The following PTCHD4 variants were observed in gnomAD, a reference collection of about 807,000 sequenced individuals.
PTCHD4 encodes the protein patched domain containing 4, also known as patched domain-containing protein 4.
A neutral mutation model predicts 58.1 loss-of-function variants in PTCHD4; 33 were observed. The observed-to-expected ratio is 0.57, with a 90% CI of 0.43 to 0.76. The LOEUF is 0.76. PTCHD4 is among the 30% of genes least tolerant of loss of function. The pLI, the probability that PTCHD4 is intolerant of heterozygous loss-of-function variation, is 0.00. For synonymous variants in PTCHD4, 478 were observed against 409.6 expected (o/e 1.17, Z -2.02); for missense variants, 1,058 against 1,027.1 (o/e 1.03, Z -0.41).
At position 48,055,277 on chromosome 6, in the gene PTCHD4, T is replaced by C. The variant is rs181729083; in HGVS notation, c.417+12953A>G. ...TAGGATAAAAAAGACATGCAACCTATGATGACAACTGTGTATTTTATAGTT... is the reference window on the plus strand; with the variant it reads ...TAGGATAAAAAAGACATGCAACCTACGATGACAACTGTGTATTTTATAGTT... On this transcript the variant is annotated intron_variant, in intron 3 of 4. Transcript: ENST00000339488. 4.6e-5 allele frequency among the ~76,000 whole-genome samples: 7 copies of C among 152,290 alleles called. No homozygotes were observed. The East Asian group carries it at 1.4e-3, about 29-fold the overall frequency.
chr6:48,009,008 T>C lies in PTCHD4; in HGVS notation c.524A>G (p.Tyr175Cys). The C allele has an allele frequency of 6.2e-7, 1 of 1,613,786 alleles. No individual in the cohort carries two copies. Among genetic ancestry groups the C allele is most frequent in the Non-Finnish European group, 8.5e-7 (1 of 1,179,852 alleles). Residue 175 changes from tyrosine to cysteine, a missense_variant, in exon 4 of 5, where the codon TAC (tyrosine) becomes TGC (cysteine). Transcript: ENST00000339488. ...GGTGGCAGAGCCATAGGTCTGGAGG[T>C]AGTAGGTGATTTGAATGGCTCTGGC... is the stretch of plus-strand genomic sequence containing the variant. ...KSARAIQITY[Y>C]LQTYGSATQD... is the part of the protein sequence containing the mutation.
chr6:47,965,656 C>A (rs1767255644), intron 4 of PTCHD4, among the ~76,000 whole-genome samples: 1 of 152,160 alleles, frequency 6.6e-6, no homozygotes, highest in Non-Finnish European at 1.5e-5. Context: ...TGGCCTGGAG[C>A]GTTGGCTCAC....
intron 1 of PTCHD4, among the ~76,000 whole-genome samples, chr6:48,076,132 T>A (rs1765060705): frequency 6.6e-6 from 1 of 152,358 alleles, no homozygotes; most frequent in South Asian, 2.1e-4. Flanking sequence ...CACCAGTAGA[T>A]GCCATCTCAA....
At chr6:48,076,611 A>G (rs965732395) in intron 1 of PTCHD4, among the ~76,000 whole-genome samples, 2 of 152,224 alleles carry the variant, frequency 1.3e-5, no homozygotes, top group Non-Finnish European at 2.9e-5. Flanking sequence ...ATCTTCTTGT[A>G]TGACTCCATC....
chr6:48,054,011 G>A (rs1764323521), intron 3 of PTCHD4, among the ~76,000 whole-genome samples: 1 of 152,030 alleles, frequency 6.6e-6, no homozygotes, highest in African/African-American at 2.4e-5. Context: ...GGTAAGATAG[G>A]GGGATCTTTC....
At chr6:47,905,640 T>C (rs534793013) in intron 4 of PTCHD4, among the ~76,000 whole-genome samples, 1 of 152,294 alleles carries the variant, frequency 6.6e-6, no homozygotes, top group East Asian at 1.9e-4. Context: ...AAATTTATAT[T>C]AGCTTGATTG....
At chr6:47,886,559 T>A (rs774674641) in intron 4 of PTCHD4, among the ~76,000 whole-genome samples, 1 of 152,220 alleles carries the variant, frequency 6.6e-6, no homozygotes, top group Non-Finnish European at 1.5e-5. Context: ...TTTCTTCATT[T>A]GGTTAGCTAC....
At chr6:48,093,073 A>G (rs142343267) in intron 1 of PTCHD4, among the ~76,000 whole-genome samples, 124 of 152,300 alleles carry the variant, frequency 8.1e-4, no homozygotes, top group Middle Eastern at 3.4e-3. Flanking sequence ...CTTCCCTGGC[A>G]TGCTTCGCTT....
intron 4 of PTCHD4, among the ~76,000 whole-genome samples, chr6:47,937,217 G>T (rs1361330442): frequency 6.6e-6 from 1 of 152,170 alleles, no homozygotes; most frequent in East Asian, 1.9e-4. Flanking sequence ...GGAATGACTG[G>T]CTGCTTTTCA....
intron 4 of PTCHD4, among the ~76,000 whole-genome samples, chr6:47,972,066 T>C (rs143215763): frequency 2.0e-5 from 3 of 152,302 alleles, no homozygotes; most frequent in African/African-American, 4.8e-5. Flanking sequence ...GTCATATTAA[T>C]GTGAGCACTG....
intron 4 of PTCHD4, among the ~76,000 whole-genome samples, chr6:47,945,268 G>C (rs1174838642): frequency 6.6e-6 from 1 of 152,034 alleles, no homozygotes; most frequent in African/African-American, 2.4e-5. Flanking sequence ...ATCTCTTCCA[G>C]AACAGAGTAG....
At chr6:48,039,039 C>G (rs1252600831) in intron 3 of PTCHD4, among the ~76,000 whole-genome samples, 1 of 152,144 alleles carries the variant, frequency 6.6e-6, no homozygotes, top group Non-Finnish European at 1.5e-5. Context: ...TGAGATTACT[C>G]TCTTAGCTGG....
chr6:48,094,605 C>T (rs1179629851), intron 1 of PTCHD4, among the ~76,000 whole-genome samples: 2 of 152,130 alleles, frequency 1.3e-5, no homozygotes, highest in East Asian at 1.9e-4. Context: ...TTGAGGATAG[C>T]TTTTCAAATC....
Position 47,856,731 on chromosome 6 carries a change from A to C in PTCHD4, c.*21572T>G, listed in dbSNP as rs1395251455. Among the ~76,000 whole-genome samples, 1 of 152,036 alleles carries C rather than the reference A, an allele frequency of 6.6e-6. No homozygotes were observed. The highest frequency in any genetic ancestry group is 1.5e-5 in the Non-Finnish European group (1 of 67,986). On this transcript the variant is annotated 3_prime_UTR_variant, in exon 5 of 5. Coordinates refer to ENST00000339488, the MANE Select transcript of PTCHD4 (RefSeq NM_001384253.1). Reference sequence around the variant, plus strand: ...ACTCCTCTGATTATAAAAATTACACAAGCTAATAAATCTTGGTAAGTTATA... The same window carrying C: ...ACTCCTCTGATTATAAAAATTACACCAGCTAATAAATCTTGGTAAGTTATA...
At chr6:48,007,876 G>C (rs1762511994) in intron 4 of PTCHD4, among the ~76,000 whole-genome samples, 1 of 152,048 alleles carries the variant, frequency 6.6e-6, no homozygotes, top group African/African-American at 2.4e-5. Flanking sequence ...TTGTTGCTAA[G>C]CACTTACGTG....
In PTCHD4 at chr6:47,924,561, G is replaced by A. The variant is rs575560693; in HGVS notation, c.899-44625C>T. ...TCATTTGTAAAATGAGGAACATAAT[G>A]TCTCCCTTATAGACGTGTAAGGATT... On this transcript the variant is annotated intron_variant, in intron 4 of 4. Transcript: ENST00000339488. Among the ~76,000 whole-genome samples the A allele has an allele frequency of 7.9e-5, 12 of 151,968 alleles. No individual in the cohort carries two copies. The South Asian group carries it at 8.3e-4, about 11-fold the overall frequency.
chr6:48,003,657 G>A (rs1768826810), intron 4 of PTCHD4, among the ~76,000 whole-genome samples: 1 of 152,102 alleles, frequency 6.6e-6, no homozygotes, highest in South Asian at 2.1e-4. Context: ...TCTTTATAAA[G>A]TATGTCAGAC....
intron 3 of PTCHD4, among the ~76,000 whole-genome samples, chr6:48,063,132 G>A (rs1325141997): frequency 2.0e-5 from 3 of 152,038 alleles, no homozygotes; most frequent in African/African-American, 7.2e-5. Context: ...TGGCACATAA[G>A]CCACTGGCTC....
intron 1 of PTCHD4, among the ~76,000 whole-genome samples, chr6:48,078,890 G>A (rs1024461236): frequency 1.3e-5 from 2 of 151,980 alleles, no homozygotes; most frequent in African/African-American, 4.8e-5. Flanking sequence ...AGGCGGAGGC[G>A]GGCGGATCAC....
Sources: gnomAD v4.1 joint callset for allele counts (sites outside exome capture counted in the v4.1 genomes callset) on GRCh38, gnomAD v4.1.1 for gene constraint, MANE v1.5 for transcripts, NCBI Gene and HGNC (gene_info 2026-07-23, HGNC 2026-07-21) for gene names.